Variants in LINC00632 observed in about 807,000 individuals in gnomAD.
The protein encoded by LINC00632 is ALDOA related specific transcript.
intron 2 of LINC00632, chrX:140,713,887 T>G: frequency 3.5e-6 from 1 of 281,852 alleles, no homozygotes; most frequent in Non-Finnish European, 6.8e-6. Context: ...CATCACACAC[T>G]GTTCCCACAT....
chrX:140,788,540 T>C (rs1362406844), exon 5 of LINC00632, among the ~76,000 whole-genome samples: 1 of 110,112 alleles, frequency 9.1e-6, no homozygotes. Flanking sequence ...ACATGTGTTA[T>C]TTTCAAAATT....
chrX:140,761,329 C>G (rs939193672), intron 3 of LINC00632, among the ~76,000 whole-genome samples: 5 of 112,496 alleles, frequency 4.4e-5, no homozygotes, highest in Middle Eastern at 4.6e-3. Flanking sequence ...ACAAAGGCTG[C>G]TGTTACAAGA....
chrX:140,759,607 T>G (rs1931569493), intron 3 of LINC00632, among the ~76,000 whole-genome samples: 1 of 111,030 alleles, frequency 9.0e-6, no homozygotes, highest in Admixed American at 9.7e-5. Flanking sequence ...GTGATCTTCC[T>G]GCCTCCCTCC....
chrX:140,757,883 T>C (rs1244847740), intron 3 of LINC00632, among the ~76,000 whole-genome samples: 1 of 111,671 alleles, frequency 9.0e-6, no homozygotes, highest in African/African-American at 3.3e-5. Flanking sequence ...TACATGTTTT[T>C]TAGCGGGATA....
At chrX:140,771,037 A>G (rs1931780566) in intron 3 of LINC00632, among the ~76,000 whole-genome samples, 2 of 111,907 alleles carry the variant, frequency 1.8e-5, no homozygotes, top group Admixed American at 1.9e-4. Flanking sequence ...GAGAAAAAAG[A>G]CTACTGGGAG....
chrX:140,718,656 C>T (rs1315283053), intron 2 of LINC00632, among the ~76,000 whole-genome samples: 1 of 111,475 alleles, frequency 9.0e-6, no homozygotes. Context: ...GGTGATCCAC[C>T]CATCTCTGTC....
At chrX:140,778,113 A>G (rs1931895659) in exon 5 of LINC00632, among the ~76,000 whole-genome samples, 1 of 112,505 alleles carries the variant, frequency 8.9e-6, no homozygotes, top group Admixed American at 9.4e-5. Context: ...TTTTGGGAAA[A>G]ATAATGCACA....
At position 140,784,239 on chromosome X, in the gene LINC00632, ATGTCTTCCAGCCTACTTG is replaced by A. The variant is rs763350881; in HGVS notation, n.12268_12285del. On this transcript the variant is annotated non_coding_transcript_exon_variant, in exon 5 of 5. Transcript: ENST00000648200. ...CAAAGCCATGTCTTCCATCAAATTA[ATGTCTTCCAGCCTACTTG>A]TGTCTTCCAACAAAGGTACGTCTTC... 32 of 1,209,925 alleles carry A rather than the reference ATGTCTTCCAGCCTACTTG, an allele frequency of 2.6e-5. No homozygotes were observed. In the South Asian group the frequency reaches 4.6e-4, roughly 17 times the overall value.
intron 3 of LINC00632, among the ~76,000 whole-genome samples, chrX:140,751,815 T>C (rs1179713500): frequency 8.9e-6 from 1 of 111,788 alleles, no homozygotes; most frequent in Non-Finnish European, 1.9e-5. Flanking sequence ...TTCAGTTCCC[T>C]GCAGCAACTC....
At chrX:140,753,644 C>T (rs371718617) in intron 3 of LINC00632, among the ~76,000 whole-genome samples, 1 of 109,212 alleles carries the variant, frequency 9.2e-6, no homozygotes, top group Non-Finnish European at 1.9e-5. Flanking sequence ...GGATATGTTT[C>T]GTTATATGAA....
chrX:140,783,732 C>T (rs866115110), exon 5 of LINC00632: 2 of 1,211,057 alleles, frequency 1.7e-6, no homozygotes, highest in South Asian at 1.8e-5. Context: ...AGTCAATCCA[C>T]ATCTTCCGGA....
chrX:140,718,692 T>A (rs996135494), intron 2 of LINC00632, among the ~76,000 whole-genome samples: 1 of 111,762 alleles, frequency 8.9e-6, no homozygotes, highest in African/African-American at 3.3e-5. Flanking sequence ...ATTACAGGCA[T>A]GAGCCACCGC....
exon 5 of LINC00632, among the ~76,000 whole-genome samples, chrX:140,779,001 G>A (rs540606920): frequency 8.9e-6 from 1 of 112,199 alleles, no homozygotes; most frequent in African/African-American, 3.2e-5. Context: ...CTTGTAGGAG[G>A]ATGAGAAAGT....
At chrX:140,723,672 C>CAGAGGCAT (rs1794968032) in intron 2 of LINC00632, among the ~76,000 whole-genome samples, 1 of 19,821 alleles carries the variant, frequency 5.0e-5, no homozygotes, top group Admixed American at 7.6e-4. Context: ...CATATACACA[C>CAGAGGCAT]ATTCCATACA....
chrX:140,788,060 ATAT>A (rs1406955968), exon 5 of LINC00632, among the ~76,000 whole-genome samples: 1 of 110,381 alleles, frequency 9.1e-6, no homozygotes, highest in Non-Finnish European at 1.9e-5. Context: ...TATCCTTTTT[ATAT>A]TATTCAAAAA....
chrX:140,778,811 TACTTTG>T (rs774707677), exon 5 of LINC00632, among the ~76,000 whole-genome samples: 9 of 111,460 alleles, frequency 8.1e-5, no homozygotes, highest in Admixed American at 2.9e-4. Flanking sequence ...GTCATAGAAA[TACTTTG>T]ACTTTGGCTT....
At chrX:140,744,164 A>G (rs753311906) in intron 3 of LINC00632, among the ~76,000 whole-genome samples, 1 of 110,531 alleles carries the variant, frequency 9.0e-6, no homozygotes, top group African/African-American at 3.3e-5. Flanking sequence ...AACCTGGCAA[A>G]CCAATAGCAA....
chrX:140,724,188 G>C (rs796817490), intron 2 of LINC00632, among the ~76,000 whole-genome samples: 1 of 7,697 alleles, frequency 1.3e-4, no homozygotes, highest in African/African-American at 3.5e-4. Context: ...GACACATTCT[G>C]TACACACAGA....
intron 3 of LINC00632, among the ~76,000 whole-genome samples, chrX:140,744,428 G>A (rs1318854423): frequency 9.1e-6 from 1 of 110,496 alleles, no homozygotes; most frequent in Non-Finnish European, 1.9e-5. Context: ...CAAGCATAAA[G>A]ATGCTTGTAT....
Sources: gnomAD v4.1 joint callset for allele counts (sites outside exome capture counted in the v4.1 genomes callset) on GRCh38, gnomAD v4.1.1 for gene constraint, MANE v1.5 for transcripts, NCBI Gene and HGNC (gene_info 2026-07-23, HGNC 2026-07-21) for gene names.